The following GRAP2 variants were observed in gnomAD, a reference collection of about 807,000 sequenced individuals.
GRAP2 encodes GRB2 related adaptor protein 2, also known as GRB2-related adapter protein 2.
GRAP2 carries 31 observed loss-of-function variants against 43.5 expected under a neutral mutation model. The ratio of observed to expected loss-of-function variants is 0.71; its 90% CI spans 0.54 to 0.96. The LOEUF is 0.96. GRAP2 is among the 40% of genes least tolerant of loss of function. GRAP2 has a pLI of 0.00. For synonymous variants in GRAP2, 156 were observed against 164.8 expected (o/e 0.95, Z 0.41); for missense variants, 371 against 424.4 (o/e 0.87, Z 1.11).
upstream of GRAP2, among the ~76,000 whole-genome samples, chr22:39,900,728 A>G (rs2066487855): frequency 6.6e-6 from 1 of 152,222 alleles, no homozygotes; most frequent in Non-Finnish European, 1.5e-5. Flanking sequence ...GTATGAACAA[A>G]GCATCTTTCC....
chr22:39,972,541 GC>G lies in GRAP2; in HGVS notation c.*1459del, dbSNP rs2067256392. The G allele has an allele frequency of 6.6e-6, 1 of 152,276 alleles. No individual in the cohort carries two copies. Among genetic ancestry groups the G allele is most frequent in the African/African-American group, 2.4e-5 (1 of 41,446 alleles). The allele number at this position is 152,276 out of a possible 1,614,324, so 9.4% of individuals were successfully genotyped here. The stretch of plus-strand genomic sequence containing the variant: ...AGGGGGTGAAAGTGTTGGTGAGGGA[GC>G]CTGGAAGTTTTCTCTTCCCCAACCT... On this transcript the variant is annotated 3_prime_UTR_variant, in exon 8 of 8. Coordinates refer to ENST00000344138, the MANE Select transcript of GRAP2 (RefSeq NM_004810.4).
intron 1 of GRAP2, among the ~76,000 whole-genome samples, chr22:39,907,681 G>T (rs1160593904): frequency 2.0e-5 from 3 of 152,182 alleles, no homozygotes; most frequent in Admixed American, 2.0e-4. Context: ...GATCAAGGCT[G>T]CAGTAAGCCG....
At chr22:39,959,218 T>C (rs1804706499) in intron 3 of GRAP2, among the ~76,000 whole-genome samples, 1 of 152,232 alleles carries the variant, frequency 6.6e-6, no homozygotes, top group African/African-American at 2.4e-5. Context: ...CAGCCACAGC[T>C]TGCCTGGCCC....
chr22:39,930,505 T>C (rs117475298), intron 1 of GRAP2, among the ~76,000 whole-genome samples: 1,966 of 152,288 alleles, frequency 0.013, 18 homozygotes, highest in Non-Finnish European at 0.019. Context: ...GATAAAAACA[T>C]GTGGAAAGAC....
intron 1 of GRAP2, among the ~76,000 whole-genome samples, chr22:39,919,222 T>C (rs952724051): frequency 6.6e-6 from 1 of 152,222 alleles, no homozygotes; most frequent in Non-Finnish European, 1.5e-5. Flanking sequence ...TTATATAATT[T>C]AATCTAATAT....
At chr22:39,954,837 G>A (rs945068655) in intron 2 of GRAP2, among the ~76,000 whole-genome samples, 1 of 152,210 alleles carries the variant, frequency 6.6e-6, no homozygotes, top group Non-Finnish European at 1.5e-5. Flanking sequence ...AACATTTGGG[G>A]TCACAGTCAA....
At chr22:39,908,048 T>A (rs544089864) in intron 1 of GRAP2, among the ~76,000 whole-genome samples, 1 of 152,336 alleles carries the variant, frequency 6.6e-6, no homozygotes, top group South Asian at 2.1e-4. Context: ...ACCCACGTGA[T>A]CTTAAACAAG....
At position 39,970,970 on chromosome 22, in the gene GRAP2, C is replaced by T. The variant is rs747916345; in HGVS notation, c.879C>T (p.His293=). 12 of 1,613,478 alleles carry T rather than the reference C, an allele frequency of 7.4e-6. No homozygotes were observed. The African/African-American group carries it at 1.1e-4, about 14-fold the overall frequency. Residue 293 remains histidine (H), a synonymous_variant, in exon 8 of 8, where the codon CAC becomes CAT. Coordinates refer to ENST00000344138, the MANE Select transcript of GRAP2 (RefSeq NM_004810.4). ...TGGAGGATGACGAGCTGGGGTTCCA[C>T]AGCGGGGAGGTGGTGGAGGTCCTGG... ...EALEDDELGF[H]SGEVVEVLDS...
rs539702748 is a variant in GRAP2 at position 39,963,753 on chromosome 22, C to T, written c.291-2237C>T. Among the ~76,000 whole-genome samples, 245 of 152,316 alleles carry T rather than the reference C, an allele frequency of 1.6e-3. 2 individuals are homozygous for T. The highest frequency in any genetic ancestry group is 5.7e-3 in the African/African-American group (237 of 41,570). On this transcript the variant is annotated intron_variant, in intron 4 of 7. Transcript: ENST00000344138. The stretch of plus-strand genomic sequence containing the variant: ...ACCTCCATGGTCAGGCGCAGTGGCT[C>T]ACGCCTGTAATCCCAGCACTTTGGG...
chr22:39,947,373 G>A, intron 2 of GRAP2, 189 bp downstream of exon 2: 1 of 590,338 alleles, frequency 1.7e-6, no homozygotes, highest in Non-Finnish European at 3.1e-6. Context: ...GTCGGCATAA[G>A]CCACCATCCT....
chr22:39,970,802 T>C (rs2145687125), intron 7 of GRAP2, 103 bp from the exon 8 acceptor site: 2 of 1,066,898 alleles, frequency 1.9e-6, no homozygotes, highest in South Asian at 1.7e-5. Context: ...CTTCAGGGAA[T>C]GTTGCTCTCA....
intron 1 of GRAP2, among the ~76,000 whole-genome samples, chr22:39,939,933 C>G (rs2066848828): frequency 6.6e-6 from 1 of 152,072 alleles, no homozygotes; most frequent in Non-Finnish European, 1.5e-5. Flanking sequence ...GCAGAGGACC[C>G]TGATGGCCAC....
At chr22:39,914,743 C>T (rs2145580122) in intron 1 of GRAP2, among the ~76,000 whole-genome samples, 1 of 152,284 alleles carries the variant, frequency 6.6e-6, no homozygotes, top group East Asian at 1.9e-4. Context: ...AAGTGCACCA[C>T]TTTCGTACTC....
intron 2 of GRAP2, among the ~76,000 whole-genome samples, chr22:39,950,569 G>A (rs1244775980): frequency 6.6e-6 from 1 of 152,256 alleles, no homozygotes; most frequent in Non-Finnish European, 1.5e-5. Context: ...TCATGCACGT[G>A]TGCACACAAT....
At chr22:39,959,980 C>T in intron 3 of GRAP2, 75 bp from the exon 4 acceptor site, 2 of 1,405,566 alleles carry the variant, frequency 1.4e-6, no homozygotes, top group Non-Finnish European at 2.0e-6. Context: ...CCCTCTGGGT[C>T]ACCTCTTCTC....
In GRAP2 at chr22:39,972,106, T is replaced by C. The variant is rs2067250999; in HGVS notation, c.*1022T>C. 1 of 152,316 alleles carries C rather than the reference T, an allele frequency of 6.6e-6. No homozygotes were observed. The highest frequency in any genetic ancestry group is 2.1e-4 in the South Asian group (1 of 4,836). The allele number at this position is 152,316 out of a possible 1,614,324, so 9.4% of individuals were successfully genotyped here. A position where few individuals can be genotyped will look rare whatever the true frequency, so the allele number is the denominator to read the frequency against. On this transcript the variant is annotated 3_prime_UTR_variant, in exon 8 of 8. Transcript: ENST00000344138. ...GAAGCTGGCTTTGACACCAGCTTCC[T>C]GTTCAGTCTGACCACTGCTGTCCTC... is the stretch of plus-strand genomic sequence containing the variant.
chr22:39,945,465 C>T (rs1158487636), intron 1 of GRAP2, among the ~76,000 whole-genome samples: 1 of 152,140 alleles, frequency 6.6e-6, no homozygotes, highest in Non-Finnish European at 1.5e-5. Flanking sequence ...CCTTATTTAC[C>T]CAAATCTTGT....
intron 1 of GRAP2, among the ~76,000 whole-genome samples, chr22:39,916,006 G>A (rs568742720): frequency 1.3e-5 from 2 of 152,268 alleles, no homozygotes; most frequent in South Asian, 2.1e-4. Context: ...CTTCCCTCTT[G>A]CTTAAGCTCC....
chr22:39,936,927 G>A (rs2066812780), intron 1 of GRAP2, among the ~76,000 whole-genome samples: 1 of 152,136 alleles, frequency 6.6e-6, no homozygotes, highest in African/African-American at 2.4e-5. Flanking sequence ...TTTGGCTAAA[G>A]GACAGCCACC....
Sources: allele counts gnomAD v4.1 joint callset (sites outside exome capture counted in the v4.1 genomes callset), GRCh38; gene constraint gnomAD v4.1.1; transcripts MANE v1.5; gene names NCBI Gene and HGNC (gene_info 2026-07-23, HGNC 2026-07-21).